C8orf34: variants seen among roughly 807,000 people sequenced by gnomAD.
The protein encoded by C8orf34 is chromosome 8 open reading frame 34, also known as uncharacterized protein C8orf34.
C8orf34 carries 65 observed loss-of-function variants against 68.3 expected under a neutral mutation model. That is an observed-to-expected ratio of 0.95 (90% confidence interval 0.78 to 1.17). C8orf34 has a LOEUF of 1.17. C8orf34 is among the 50% of genes most tolerant of loss of function. The pLI, the probability that C8orf34 is intolerant of heterozygous loss-of-function variation, is 0.00. For missense variants in C8orf34, 664 were observed against 655.4 expected (o/e 1.01, Z -0.14); for synonymous variants, 244 against 241.2 (o/e 1.01, Z -0.11).
In C8orf34 at chr8:68,787,481, A is replaced by C; in HGVS notation, c.1494A>C (p.Pro498=). ...SLKQLQVVHQ[P]WILPSDTESE... is the part of the protein sequence containing the mutation. ...AGCAATTGCAGGTAGTTCATCAACC[A>C]TGGATCTTGCCAAGTGACACAGAAA... is the stretch of plus-strand genomic sequence containing the variant. The change falls in exon 12 of 14, where the codon CCA becomes CCC. Residue 498 remains proline, a synonymous_variant. Transcript: ENST00000518698. 1 of 1,613,004 alleles carries C rather than the reference A, an allele frequency of 6.2e-7. No individual in the cohort carries two copies. The highest frequency in any genetic ancestry group is 1.1e-5 in the South Asian group (1 of 90,982).
Position 68,794,505 on chromosome 8 carries a change from A to ATATATATATTTTTT in C8orf34, c.1549+6970_1549+6971insATATATATTTTTTT, listed in dbSNP as rs1313909362. Reference sequence around the variant, plus strand: ...TAAATATATATATATATATATATATATTTTTTTTTTTTTTTTTTAGACAGG... The same window carrying ATATATATATTTTTT: ...TAAATATATATATATATATATATATATATATATATTTTTTTTTTTTTTTTTTTTTTTTAGACAGG... On this transcript the variant is annotated intron_variant, in intron 12 of 13. Coordinates refer to ENST00000518698, the MANE Select transcript of C8orf34 (RefSeq NM_052958.4). Among the ~76,000 whole-genome samples the ATATATATATTTTTT allele has an allele frequency of 3.2e-5, 2 of 62,238 alleles. 1 individual carries two copies. The highest frequency in any genetic ancestry group is 2.4e-4 in the African/African-American group (2 of 8,214). The allele number at this position is 62,238 out of a possible 152,430, so 40.8% of individuals were successfully genotyped here. A position where few individuals can be genotyped will look rare whatever the true frequency, so the allele number is the denominator to read the frequency against.
At chr8:68,374,204 C>A (rs987878054) in intron 1 of C8orf34, among the ~76,000 whole-genome samples, 1 of 152,068 alleles carries the variant, frequency 6.6e-6, no homozygotes, top group African/African-American at 2.4e-5. Flanking sequence ...CACGAGCCAC[C>A]ACACCTGGCC....
chr8:68,410,025 A>G lies in C8orf34; in HGVS notation c.328-29474A>G, dbSNP rs1809377285. 2.0e-5 allele frequency among the ~76,000 whole-genome samples: 3 copies of G among 152,174 alleles called. No individual in the cohort carries two copies. In the South Asian group the frequency reaches 6.2e-4, roughly 31 times the overall value. ...AGGCTAGACCACGTAGGTTTGTGTA[A>G]GTGCACACTGTGATGTTCCCACAAT... On this transcript the variant is annotated intron_variant, in intron 1 of 13. Coordinates refer to ENST00000518698, the MANE Select transcript of C8orf34 (RefSeq NM_052958.4).
chr8:68,785,601 AGG>A (rs1371688114), intron 11 of C8orf34, among the ~76,000 whole-genome samples: 23 of 152,156 alleles, frequency 1.5e-4, no homozygotes, highest in African/African-American at 4.8e-4. Flanking sequence ...CCCTTCAGTG[AGG>A]TTGTTTCATA....
chr8:68,441,395 A>T (rs1810904112), intron 2 of C8orf34, among the ~76,000 whole-genome samples: 1 of 152,134 alleles, frequency 6.6e-6, no homozygotes. Context: ...TTCCTGCCAC[A>T]TGTCTCTCAC....
intron 11 of C8orf34, among the ~76,000 whole-genome samples, chr8:68,781,118 T>C (rs1213271402): frequency 6.6e-6 from 1 of 152,208 alleles, no homozygotes; most frequent in Non-Finnish European, 1.5e-5. Flanking sequence ...AAATACTTAG[T>C]TGATTCAGAA....
At chr8:68,640,279 C>A in intron 7 of C8orf34, 97 bp from the exon 8 acceptor site, 2 of 1,141,780 alleles carry the variant, frequency 1.8e-6, no homozygotes, top group Non-Finnish European at 2.5e-6. Flanking sequence ...TATTGTTTTG[C>A]TTAACAAACT....
intron 10 of C8orf34, among the ~76,000 whole-genome samples, chr8:68,749,706 T>G (rs1384633299): frequency 6.6e-6 from 1 of 152,220 alleles, no homozygotes; most frequent in East Asian, 1.9e-4. Flanking sequence ...GTATATGTTA[T>G]TTTAGGTCTG....
Position 68,698,625 on chromosome 8 carries a change from C to T in C8orf34, c.1242-10369C>T, listed in dbSNP as rs897346125. The stretch of plus-strand genomic sequence containing the variant: ...ATTAAAAGAAGAAATCAGGTTTTGG[C>T]GATTTTTCAAAAGGATGTTTTAGCT... On this transcript the variant is annotated intron_variant, in intron 8 of 13. Transcript: ENST00000518698. Among the ~76,000 whole-genome samples, 6 of 151,996 alleles carry T rather than the reference C, an allele frequency of 3.9e-5. No individual in the cohort carries two copies. In the East Asian group the frequency reaches 9.7e-4, roughly 25 times the overall value.
At chr8:68,426,179 C>A (rs1163181112) in intron 1 of C8orf34, among the ~76,000 whole-genome samples, 1 of 151,840 alleles carries the variant, frequency 6.6e-6, no homozygotes, top group Admixed American at 6.6e-5. Context: ...ATAAATAAGA[C>A]CACATCAAAA....
chr8:68,750,912 T>C lies in C8orf34; in HGVS notation c.1405-25487T>C, dbSNP rs548732299. On this transcript the variant is annotated intron_variant, in intron 10 of 13. Coordinates refer to ENST00000518698, the MANE Select transcript of C8orf34 (RefSeq NM_052958.4). ...ACTAGGAAACACAAGCTCTAAAAGA[T>C]TAACACATTCATAGTCACAGAGCTC... 4.6e-5 allele frequency among the ~76,000 whole-genome samples: 7 copies of C among 152,258 alleles called. No individual in the cohort carries two copies. In the East Asian group the frequency reaches 1.2e-3, roughly 25 times the overall value.
intron 8 of C8orf34, among the ~76,000 whole-genome samples, chr8:68,693,177 G>C (rs534465123): frequency 2.7e-4 from 41 of 152,002 alleles, no homozygotes; most frequent in Non-Finnish European, 3.8e-4. Flanking sequence ...TTAAGTACTT[G>C]CTGTTTTGAA....
rs539455897 is a variant in C8orf34 at position 68,418,897 on chromosome 8, T to A, written c.328-20602T>A. Among the ~76,000 whole-genome samples the A allele has an allele frequency of 5.7e-3, 859 of 151,032 alleles. 7 individuals are homozygous for A. Among genetic ancestry groups the A allele is most frequent in the African/African-American group, 0.02 (834 of 41,066 alleles). On this transcript the variant is annotated intron_variant, in intron 1 of 13. Coordinates refer to ENST00000518698, the MANE Select transcript of C8orf34 (RefSeq NM_052958.4). ...AAAACCCTAGAAGAAAACCTAGGCA[T>A]TACCATTCAGGACATAGGCATGGGC...
chr8:68,490,819 C>T (rs1813280535), intron 5 of C8orf34, among the ~76,000 whole-genome samples: 1 of 152,092 alleles, frequency 6.6e-6, no homozygotes, highest in South Asian at 2.1e-4. Context: ...TGGCAGTCAC[C>T]CTTGGAGGAG....
intron 1 of C8orf34, among the ~76,000 whole-genome samples, chr8:68,355,516 C>T (rs1806709730): frequency 1.3e-5 from 2 of 152,152 alleles, no homozygotes; most frequent in African/African-American, 4.8e-5. Flanking sequence ...TTTTGGCCAG[C>T]AACACAGTAG....
intron 8 of C8orf34, among the ~76,000 whole-genome samples, chr8:68,644,834 G>A (rs1363705225): frequency 6.6e-6 from 1 of 152,188 alleles, no homozygotes; most frequent in South Asian, 2.1e-4. Context: ...AACATGTAGA[G>A]AAATGACTGC....
intron 7 of C8orf34, among the ~76,000 whole-genome samples, chr8:68,568,615 A>T (rs1816671682): frequency 6.6e-6 from 1 of 152,170 alleles, no homozygotes; most frequent in Admixed American, 6.6e-5. Flanking sequence ...AGTAAGCTAT[A>T]CTTATAGATG....
chr8:68,747,185 C>A (rs1201163383), intron 10 of C8orf34, among the ~76,000 whole-genome samples: 1 of 151,964 alleles, frequency 6.6e-6, no homozygotes, highest in Non-Finnish European at 1.5e-5. Context: ...AATTCAACAA[C>A]ACTTCATGCT....
intron 1 of C8orf34, among the ~76,000 whole-genome samples, chr8:68,356,181 G>A (rs1352095471): frequency 6.6e-6 from 1 of 152,072 alleles, no homozygotes; most frequent in African/African-American, 2.4e-5. Context: ...TGAAATGTAT[G>A]GTTTATGTGT....
Sources: allele counts gnomAD v4.1 joint callset (sites outside exome capture counted in the v4.1 genomes callset), GRCh38; gene constraint gnomAD v4.1.1; transcripts MANE v1.5; gene names NCBI Gene and HGNC (gene_info 2026-07-23, HGNC 2026-07-21).